CALCOCO2: variants seen among roughly 807,000 people sequenced by gnomAD.
CALCOCO2 encodes the protein calcium binding and coiled-coil domain 2.
In CALCOCO2, 42 loss-of-function variants were observed where a neutral mutation model predicts 62.5. The observed-to-expected ratio is 0.67, with a 90% CI of 0.53 to 0.87. The LOEUF is 0.87. Ranked by LOEUF, CALCOCO2 falls within the 40% of genes least tolerant of loss-of-function variation. The probability of loss-of-function intolerance (pLI) is 0.00; values close to 1 mark genes in which losing one functional copy is unlikely to be tolerated. For missense variants in CALCOCO2, 456 were observed against 515.0 expected (o/e 0.89, Z 1.11); for synonymous variants, 167 against 173.0 (o/e 0.97, Z 0.27).
intron 1 of CALCOCO2, among the ~76,000 whole-genome samples, chr17:48,838,923 G>T (rs1370119499): frequency 6.6e-6 from 1 of 152,074 alleles, no homozygotes; most frequent in Non-Finnish European, 1.5e-5. Context: ...TGTTAGACCA[G>T]CTAGTCATTT....
At chr17:48,854,382 T>TATATATATATATATA in intron 9 of CALCOCO2, among the ~76,000 whole-genome samples, 4 of 5,992 alleles carry the variant, frequency 6.7e-4, no homozygotes, top group Non-Finnish European at 1.8e-3. Context: ...TTTCTTTTAT[T>TATATATATATATATA]TATATATATA....
At chr17:48,852,746 A>G in intron 8 of CALCOCO2, 118 bp downstream of exon 8, 1 of 1,075,606 alleles carries the variant, frequency 9.3e-7, no homozygotes. Flanking sequence ...GCTTTAGGAA[A>G]GGGCTCAGAG....
chr17:48,856,356 C>A, intron 10 of CALCOCO2, 169 bp downstream of exon 10: 1 of 542,970 alleles, frequency 1.8e-6, no homozygotes, highest in Non-Finnish European at 3.3e-6. Flanking sequence ...TAATCTACCA[C>A]AAAACCCTGT....
At chr17:48,838,997 CTTTG>C (rs757303002) in intron 1 of CALCOCO2, among the ~76,000 whole-genome samples, 13 of 148,580 alleles carry the variant, frequency 8.7e-5, no homozygotes, top group Non-Finnish European at 1.3e-4. Context: ...ATTAAAATCA[CTTTG>C]TTTCTTTTTT....
At chr17:48,835,852 C>T (rs1390742090) in intron 1 of CALCOCO2, among the ~76,000 whole-genome samples, 1 of 151,846 alleles carries the variant, frequency 6.6e-6, no homozygotes, top group Non-Finnish European at 1.5e-5. Context: ...TGGGTTCAAG[C>T]GATTCTCTTG....
At chr17:48,844,767 C>T (rs1485001581) in intron 2 of CALCOCO2, among the ~76,000 whole-genome samples, 4 of 152,200 alleles carry the variant, frequency 2.6e-5, no homozygotes, top group Admixed American at 2.6e-4. Context: ...ATGCACCCAC[C>T]TCAGCCTCCC....
Position 48,852,946 on chromosome 17 carries a change from C to A in CALCOCO2, c.846C>A (p.Leu282=). ...LTEQRKDQKK[L]EQTVEQMKQN... ...TGCAGAGGAAGGACCAGAAGAAGCT[C>A]GAGCAGACAGTGGAGCAAATGAAGC... is the stretch of plus-strand genomic sequence containing the variant. Residue 282 remains leucine, a synonymous_variant, in exon 9 of 13, where the codon CTC becomes CTA. Coordinates refer to ENST00000258947, the MANE Select transcript of CALCOCO2 (RefSeq NM_005831.5). 6.2e-7 allele frequency: 1 copy of A among 1,613,362 alleles called. No individual in the cohort carries two copies. Among genetic ancestry groups the A allele is most frequent in the Non-Finnish European group, 8.5e-7 (1 of 1,179,422 alleles).
intron 2 of CALCOCO2, among the ~76,000 whole-genome samples, chr17:48,847,402 C>G (rs2040066948): frequency 6.6e-6 from 1 of 151,986 alleles, no homozygotes; most frequent in Non-Finnish European, 1.5e-5. Flanking sequence ...CGCAACTTTC[C>G]CCTTAAATCA....
rs1006790991 is a variant in CALCOCO2, at chr17:48,864,074, T to TC, written c.*1069_*1070insC. 6.0e-5 allele frequency: 9 copies of TC among 149,116 alleles called. No homozygotes were observed. The highest frequency in any genetic ancestry group is 2.2e-4 in the African/African-American group (9 of 40,674). 9.2% of individuals were successfully genotyped at this position (149,116 alleles called of 1,614,324 possible). A position where few individuals can be genotyped will look rare whatever the true frequency, so the allele number is the denominator to read the frequency against. Reference sequence around the variant, plus strand: ...CCTGGCTTGCTTTCTTTCTTTTTTTTTTTTTTTTTTTGAAACAGTCTCTCT... The same window carrying TC: ...CCTGGCTTGCTTTCTTTCTTTTTTTTCTTTTTTTTTTTGAAACAGTCTCTCT... On this transcript the variant is annotated 3_prime_UTR_variant, in exon 13 of 13. Coordinates refer to ENST00000258947, the MANE Select transcript of CALCOCO2 (RefSeq NM_005831.5).
rs1215147677 is a variant in CALCOCO2, at chr17:48,833,296, C to G, written c.-11+2218C>G. The stretch of plus-strand genomic sequence containing the variant: ...AGAAGGCCGGGCACAGTGGCTCACG[C>G]CTGTAATCCCAGCACTTTGGGAGGC... On this transcript the variant is annotated intron_variant, in intron 1 of 12. Coordinates refer to ENST00000258947, the MANE Select transcript of CALCOCO2 (RefSeq NM_005831.5). Among the ~76,000 whole-genome samples the G allele has an allele frequency of 2.0e-5, 3 of 152,276 alleles. No homozygotes were observed. In the East Asian group the frequency reaches 5.8e-4, roughly 29 times the overall value.
intron 9 of CALCOCO2, 101 bp downstream of exon 9, chr17:48,853,113 G>C: frequency 1.3e-6 from 1 of 774,366 alleles, no homozygotes; most frequent in Admixed American, 2.1e-5. Flanking sequence ...ATAAATAAGA[G>C]AGTGTTCACC....
At chr17:48,849,528 T>C in intron 5 of CALCOCO2, 151 bp downstream of exon 5, 1 of 709,634 alleles carries the variant, frequency 1.4e-6, no homozygotes, top group Non-Finnish European at 2.3e-6. Context: ...TTGTTTGAAA[T>C]GGAGTCTCAC....
chr17:48,855,954 G>T (rs1489598757), intron 9 of CALCOCO2, 138 bp from the exon 10 acceptor site: 15 of 427,120 alleles, frequency 3.5e-5, no homozygotes, highest in Middle Eastern at 6.3e-4. Flanking sequence ...CCTGCCCATA[G>T]TACCATTTCT....
chr17:48,834,106 CAAAAAAAAAA>C (rs59633969), intron 1 of CALCOCO2, among the ~76,000 whole-genome samples: 42 of 69,814 alleles, frequency 6.0e-4, no homozygotes, highest in Admixed American at 3.5e-3. Context: ...GACCCTATGT[CAAAAAAAAAA>C]AAAAAAAAAA....
chr17:48,832,042 C>T (rs1472875195), intron 1 of CALCOCO2, among the ~76,000 whole-genome samples: 1 of 152,158 alleles, frequency 6.6e-6, no homozygotes, highest in East Asian at 1.9e-4. Context: ...AGTTACCTGG[C>T]ACTAACAGGT....
In CALCOCO2 at chr17:48,858,054, T is replaced by TAGAATAGAATAGAATAGAAC. The variant is rs2040265570; in HGVS notation, c.1008+1886_1008+1887insCAGAATAGAATAGAATAGAA. On this transcript the variant is annotated intron_variant, in intron 10 of 12. Coordinates refer to ENST00000258947, the MANE Select transcript of CALCOCO2 (RefSeq NM_005831.5). ...GAATAGAATAGAATAGAAAATAGAA[T>TAGAATAGAATAGAATAGAAC]AGAATAGAATAGAATAGAATTTTAC... Among the ~76,000 whole-genome samples the TAGAATAGAATAGAATAGAAC allele has an allele frequency of 9.3e-5, 13 of 139,648 alleles. 1 individual carries two copies. The highest frequency in any genetic ancestry group is 1.1e-4 in the Non-Finnish European group (7 of 63,548). The allele number at this position is 139,648 out of a possible 152,430, so 91.6% of individuals were successfully genotyped here. A position where few individuals can be genotyped will look rare whatever the true frequency, so the allele number is the denominator to read the frequency against.
In CALCOCO2 at chr17:48,854,382, T is replaced by TTATATATATATATATATATATA. The variant is rs201839175; in HGVS notation, c.912+1385_912+1386insATATATATATATATATATATAT. Among the ~76,000 whole-genome samples the TTATATATATATATATATATATA allele has an allele frequency of 5.2e-3, 31 of 5,986 alleles. 2 individuals carry two copies. Among genetic ancestry groups the TTATATATATATATATATATATA allele is most frequent in the Non-Finnish European group, 0.011 (18 of 1,666 alleles). 3.9% of individuals were successfully genotyped at this position (5,986 alleles called of 152,430 possible). A position where few individuals can be genotyped will look rare whatever the true frequency, so the allele number is the denominator to read the frequency against. On this transcript the variant is annotated intron_variant, in intron 9 of 12. Transcript: ENST00000258947. ...ATGGATTTCCTTGGTTTTCTTTTAT[T>TTATATATATATATATATATATA]TATATATATATATATTTTTTTTTTT...
At chr17:48,842,032 C>A in intron 2 of CALCOCO2, 145 bp downstream of exon 2, 1 of 509,426 alleles carries the variant, frequency 2.0e-6, no homozygotes, top group Admixed American at 3.9e-5. Context: ...CAGCACTTCT[C>A]TCTTCACACA....
chr17:48,851,221 C>A, intron 6 of CALCOCO2, 44 bp downstream of exon 6: 2 of 1,049,214 alleles, frequency 1.9e-6, no homozygotes, highest in South Asian at 1.3e-5. Flanking sequence ...GCTGCTGTAC[C>A]ATCAGTACCC....
Sources: gnomAD v4.1 joint callset for allele counts (sites outside exome capture counted in the v4.1 genomes callset) on GRCh38, gnomAD v4.1.1 for gene constraint, MANE v1.5 for transcripts, NCBI Gene and HGNC (gene_info 2026-07-23, HGNC 2026-07-21) for gene names.